ACOT13: variants seen among roughly 807,000 people sequenced by gnomAD.
The protein encoded by ACOT13 is acyl-coenzyme A thioesterase 13.
Under a neutral mutation model 11.8 loss-of-function variants are expected in ACOT13, and 10 were observed. The ratio of observed to expected loss-of-function variants is 0.85; its 90% confidence interval spans 0.53 to 1.44. The LOEUF (loss-of-function observed/expected upper bound fraction) is 1.44, where lower values mean the gene tolerates loss of function less well. Ranked by LOEUF, ACOT13 falls within the 40% of genes most tolerant of loss-of-function variation. The pLI is 0.00. For synonymous variants in ACOT13, 53 were observed against 61.0 expected (o/e 0.87, Z 0.61); for missense variants, 172 against 174.1 (o/e 0.99, Z 0.07).
At chr6:24,693,434 G>A (rs769524566) in intron 1 of ACOT13, among the ~76,000 whole-genome samples, 38 of 152,132 alleles carry the variant, frequency 2.5e-4, no homozygotes, top group Non-Finnish European at 4.9e-4. Flanking sequence ...TTACAGTGAT[G>A]GCAGTGGCTT....
In ACOT13 at chr6:24,667,120, T is replaced by C; in HGVS notation, c.-144T>C. 1 of 916,380 alleles carries C rather than the reference T, an allele frequency of 1.1e-6. No individual in the cohort carries two copies. The highest frequency in any genetic ancestry group is 1.6e-6 in the Non-Finnish European group (1 of 610,674). 56.8% of individuals were successfully genotyped at this position (916,380 alleles called of 1,614,324 possible). A position where few individuals can be genotyped will look rare whatever the true frequency, so the allele number is the denominator to read the frequency against. ...CACCGGGGCTGCCAGCTCGCCTGACTCCCGGCCTCTTGCGCTCCTAGGGGC... is the reference window on the plus strand; with the variant it reads ...CACCGGGGCTGCCAGCTCGCCTGACCCCCGGCCTCTTGCGCTCCTAGGGGC... On this transcript the variant is annotated 5_prime_UTR_variant, in exon 1 of 3. Coordinates refer to ENST00000230048, the MANE Select transcript of ACOT13 (RefSeq NM_018473.4).
At chr6:24,681,505 T>A (rs1453844631) in intron 1 of ACOT13, among the ~76,000 whole-genome samples, 1 of 9,940 alleles carries the variant, frequency 1.0e-4, no homozygotes, top group African/African-American at 2.5e-3. Context: ...CTTTTTTTTT[T>A]TATTCTATCT....
chr6:24,698,011 G>A lies in ACOT13; in HGVS notation c.210G>A (p.Met70Ile). The A allele has an allele frequency of 6.2e-7, 1 of 1,613,664 alleles. No homozygotes were observed. The highest frequency in any genetic ancestry group is 8.5e-7 in the Non-Finnish European group (1 of 1,179,838). ...CGTTAGTAGATAACATATCAACAAT[G>A]GCTCTGCTATGCACGGAAAGGGGAG... ...TATLVDNIST[M>I]ALLCTERGAP... The change falls in exon 2 of 3, where the codon ATG (methionine) becomes ATA (isoleucine). Residue 70 changes from methionine (M) to isoleucine (I), a missense_variant. Coordinates refer to ENST00000230048, the MANE Select transcript of ACOT13 (RefSeq NM_018473.4).
At chr6:24,676,095 GTACCAGTACCATGCTGTTTTGGT>G (rs1266093094) in intron 1 of ACOT13, among the ~76,000 whole-genome samples, 1 of 152,104 alleles carries the variant, frequency 6.6e-6, no homozygotes, top group East Asian at 1.9e-4. Flanking sequence ...CTCTGTTTTG[GTACCAGTACCATGCTGTTTTGGT>G]TACTGTAGCC....
rs536209327 is a variant in ACOT13, at chr6:24,698,642, GT to G, written c.266+590del. ...TAACAAACTGAACACCATTGCTGGG[GT>G]TTTTTTTTTTTTTTGGACACGGAGT... On this transcript the variant is annotated intron_variant, in intron 2 of 2. Coordinates refer to ENST00000230048, the MANE Select transcript of ACOT13 (RefSeq NM_018473.4). 7.9e-3 allele frequency among the ~76,000 whole-genome samples: 1,127 copies of G among 141,846 alleles called. 10 individuals are homozygous for G. The highest frequency in any genetic ancestry group is 0.024 in the African/African-American group (927 of 38,760). 93.1% of individuals were successfully genotyped at this position (141,846 alleles called of 152,430 possible). A position where few individuals can be genotyped will look rare whatever the true frequency, so the allele number is the denominator to read the frequency against.
intron 1 of ACOT13, among the ~76,000 whole-genome samples, chr6:24,681,308 G>T (rs980693283): frequency 6.6e-6 from 1 of 152,148 alleles, no homozygotes; most frequent in Non-Finnish European, 1.5e-5. Flanking sequence ...TGGCCCATCC[G>T]CGGGTTACTG....
intron 2 of ACOT13, chr6:24,701,064 TTTAGA>T: frequency 6.5e-6 from 1 of 154,010 alleles, no homozygotes; most frequent in Non-Finnish European, 1.4e-5. Context: ...ATATTGTCAT[TTTAGA>T]GTCAAATAAA....
intron 1 of ACOT13, among the ~76,000 whole-genome samples, chr6:24,673,105 T>A (rs1778388814): frequency 6.6e-6 from 1 of 152,214 alleles, no homozygotes; most frequent in Non-Finnish European, 1.5e-5. Context: ...GTAATCATGT[T>A]AATTAAAAAA....
intron 1 of ACOT13, among the ~76,000 whole-genome samples, chr6:24,685,011 T>TA (rs901015968): frequency 2.6e-5 from 4 of 152,092 alleles, no homozygotes; most frequent in African/African-American, 9.7e-5. Context: ...ACCCTGTCTC[T>TA]AAAAAAAATT....
chr6:24,670,256 T>G (rs1179091963), intron 1 of ACOT13, among the ~76,000 whole-genome samples: 12 of 152,202 alleles, frequency 7.9e-5, no homozygotes, highest in Admixed American at 7.9e-4. Context: ...TTGAAGGAAC[T>G]TTGTTCCATA....
rs184771661 is a variant in ACOT13, at chr6:24,681,876, G to C, written c.81+14532G>C. On this transcript the variant is annotated intron_variant, in intron 1 of 2. Transcript: ENST00000230048. ...ATTTTGGGGCTACACTTTCAAGAAA[G>C]TCGTGGTCAGGACCCATGAGGTATG... Among the ~76,000 whole-genome samples, 47 of 152,328 alleles carry C rather than the reference G, an allele frequency of 3.1e-4. 1 individual carries two copies. The highest frequency in any genetic ancestry group is 1.1e-3 in the African/African-American group (44 of 41,580).
chr6:24,668,672 A>G (rs1246966150), intron 1 of ACOT13, among the ~76,000 whole-genome samples: 1 of 152,248 alleles, frequency 6.6e-6, no homozygotes, highest in Non-Finnish European at 1.5e-5. Context: ...TTGGCTGTGA[A>G]AAGCAACCAA....
At chr6:24,685,440 G>A (rs867360139) in intron 1 of ACOT13, among the ~76,000 whole-genome samples, 9 of 148,516 alleles carry the variant, frequency 6.1e-5, no homozygotes, top group African/African-American at 2.2e-4. Context: ...TCCGCCTCCC[G>A]GGTTCACACC....
rs775240927 is a variant in ACOT13 at position 24,704,909 on chromosome 6, G to C, written c.*3294G>C. The C allele has an allele frequency of 6.6e-5, 10 of 152,106 alleles. No individual in the cohort carries two copies. The highest frequency in any genetic ancestry group is 4.6e-4 in the Admixed American group (7 of 15,240). 9.4% of individuals were successfully genotyped at this position (152,106 alleles called of 1,614,324 possible). ...AGGGAACTTTCACCTATTTTATTTA[G>C]GTTTTCTTTTTCTTTTTTTCTTTTT... On this transcript the variant is annotated 3_prime_UTR_variant, in exon 3 of 3. Coordinates refer to ENST00000230048, the MANE Select transcript of ACOT13 (RefSeq NM_018473.4).
chr6:24,674,840 T>C (rs1048041810), intron 1 of ACOT13, among the ~76,000 whole-genome samples: 2 of 151,724 alleles, frequency 1.3e-5, no homozygotes, highest in African/African-American at 4.8e-5. Flanking sequence ...CATTAACTCA[T>C]CATTTACATT....
chr6:24,701,491 T>C lies in ACOT13; in HGVS notation c.299T>C (p.Ile100Thr), dbSNP rs368813374. 24 of 1,612,942 alleles carry C rather than the reference T, an allele frequency of 1.5e-5. No individual in the cohort carries two copies. The African/African-American group carries it at 1.9e-4, about 13-fold the overall frequency. ...TCACCTGCAAAATTAGGAGAAGATA[T>C]AGTGATTACAGCACATGTTCTGAAG... ...YMSPAKLGED[I>T]VITAHVLKQG... The change falls in exon 3 of 3, where the codon ATA becomes ACA. Residue 100 changes from isoleucine (I) to threonine (T), a missense_variant. Coordinates refer to ENST00000230048, the MANE Select transcript of ACOT13 (RefSeq NM_018473.4).
intron 1 of ACOT13, chr6:24,687,638 G>A: frequency 6.6e-7 from 1 of 1,505,500 alleles, no homozygotes; most frequent in Non-Finnish European, 8.9e-7. Flanking sequence ...GAACCTTAAA[G>A]ACATACAGGC....
intron 1 of ACOT13, among the ~76,000 whole-genome samples, chr6:24,675,013 AG>A (rs142395833): frequency 0.031 from 4,713 of 151,934 alleles, 99 homozygotes; most frequent in Non-Finnish European, 0.049. Context: ...TAGTTTGCTG[AG>A]AATGATGGTT....
intron 2 of ACOT13, among the ~76,000 whole-genome samples, chr6:24,699,201 A>T (rs941938166): frequency 4.0e-5 from 6 of 150,014 alleles, no homozygotes; most frequent in Non-Finnish European, 7.4e-5. Flanking sequence ...AATGGAAATA[A>T]TGTAGGCTTT....
Sources: gnomAD v4.1 joint callset for allele counts (sites outside exome capture counted in the v4.1 genomes callset) on GRCh38, gnomAD v4.1.1 for gene constraint, MANE v1.5 for transcripts, NCBI Gene and HGNC (gene_info 2026-07-23, HGNC 2026-07-21) for gene names.